Variants in COL4A4 observed in about 807,000 individuals in gnomAD.
The protein encoded by COL4A4 is collagen alpha-4(IV) chain.
COL4A4 carries 105 observed loss-of-function variants against 192.9 expected under a neutral mutation model. The ratio of observed to expected loss-of-function variants is 0.54; its 90% CI spans 0.46 to 0.64. The LOEUF (loss-of-function observed/expected upper bound fraction) is 0.64, where lower values mean the gene tolerates loss of function less well. Ranked by LOEUF, COL4A4 falls within the 30% of genes least tolerant of loss-of-function variation. The probability of loss-of-function intolerance (pLI) is 0.00; values close to 1 mark genes in which losing one functional copy is unlikely to be tolerated. For synonymous variants in COL4A4, 762 were observed against 769.9 expected (o/e 0.99, Z 0.17); for missense variants, 1,967 against 2,169.3 (o/e 0.91, Z 1.85).
intron 4 of COL4A4, among the ~76,000 whole-genome samples, chr2:227,125,641 C>A (rs1332111186): frequency 6.6e-6 from 1 of 152,172 alleles, no homozygotes; most frequent in Non-Finnish European, 1.5e-5. Context: ...CTCCCTGCAC[C>A]AGATTTCTAG....
intron 7 of COL4A4, 44 bp downstream of exon 7, chr2:227,118,601 T>C (rs923285651): frequency 7.2e-7 from 1 of 1,392,476 alleles, no homozygotes; most frequent in African/African-American, 1.4e-5. Flanking sequence ...CCACAGGGCC[T>C]GTTCACTTAA....
rs762592890 is a variant in COL4A4, at chr2:227,057,421, A to G, written c.2545+18T>C. The G allele has an allele frequency of 3.1e-6, 5 of 1,591,796 alleles. No individual in the cohort carries two copies. In the East Asian group the frequency reaches 1.1e-4, roughly 36 times the overall value. On this transcript the variant is annotated intron_variant, in intron 29 of 47. Coordinates refer to ENST00000396625, the MANE Select transcript of COL4A4 (RefSeq NM_000092.5). Reference sequence around the variant, plus strand: ...AAGTAGGGTAAGCCCCAGACCCTTCACAGTTCTTGACACTTACCTGGGCTA... The same window carrying G: ...AAGTAGGGTAAGCCCCAGACCCTTCGCAGTTCTTGACACTTACCTGGGCTA...
intron 4 of COL4A4, among the ~76,000 whole-genome samples, chr2:227,124,991 G>A (rs1269186292): frequency 6.6e-6 from 1 of 152,062 alleles, no homozygotes; most frequent in Non-Finnish European, 1.5e-5. Flanking sequence ...AATATAAAAG[G>A]GTAACTGAAA....
At chr2:227,008,347 T>A (rs768304862) in intron 46 of COL4A4, 43 bp from the exon 47 acceptor site, 2 of 1,603,502 alleles carry the variant, frequency 1.2e-6, no homozygotes, top group Admixed American at 3.3e-5. Context: ...AAGCACCCCA[T>A]GTAGGTGTTC....
In COL4A4 at chr2:227,109,176, T is replaced by C. The variant is rs73082223; in HGVS notation, c.657+48A>G. On this transcript the variant is annotated intron_variant, in intron 10 of 47. Coordinates refer to ENST00000396625, the MANE Select transcript of COL4A4 (RefSeq NM_000092.5). ...TGGCAATGTTGCTTCTTTATTTTCA[T>C]GTAGAATCTGGTTTTTAAAGGGATC... 0.13 allele frequency: 195,285 copies of C among 1,544,204 alleles called. 28,417 individuals are homozygous for C. Among genetic ancestry groups the C allele is most frequent in the African/African-American group, 0.71 (51,872 of 73,460 alleles).
intron 12 of COL4A4, among the ~76,000 whole-genome samples, chr2:227,107,734 G>A (rs1243958845): frequency 6.7e-6 from 1 of 150,054 alleles, no homozygotes; most frequent in Non-Finnish European, 1.5e-5. Flanking sequence ...TTCCAGGTGA[G>A]TTGCCTTCTT....
rs371284086 is a variant in COL4A4, at chr2:227,090,041, A to T, written c.1370-84T>A. ...TATAGAATAAGTGACTTTTGCACTC[A>T]CATCCTCCCCCACGTGCTTCCTTTC... On this transcript the variant is annotated intron_variant, in intron 20 of 47. Coordinates refer to ENST00000396625, the MANE Select transcript of COL4A4 (RefSeq NM_000092.5). The T allele has an allele frequency of 9.6e-6, 10 of 1,045,376 alleles. No individual in the cohort carries two copies. In the African/African-American group the frequency reaches 1.1e-4, roughly 11 times the overall value. The allele number at this position is 1,045,376 out of a possible 1,614,324, so 64.8% of individuals were successfully genotyped here.
intron 25 of COL4A4, among the ~76,000 whole-genome samples, chr2:227,074,542 C>T (rs1031708002): frequency 4.6e-5 from 7 of 152,120 alleles, no homozygotes; most frequent in Non-Finnish European, 8.8e-5. Flanking sequence ...CCAGCAATCC[C>T]ACTACTGGGT....
At chr2:227,060,659 T>C (rs908813887) in intron 26 of COL4A4, among the ~76,000 whole-genome samples, 5 of 152,048 alleles carry the variant, frequency 3.3e-5, no homozygotes, top group African/African-American at 9.7e-5. Context: ...TCTATTTCCC[T>C]GCATCTTACT....
chr2:227,002,173 A>C (rs1961151019), downstream of COL4A4, among the ~76,000 whole-genome samples: 1 of 132,662 alleles, frequency 7.5e-6, no homozygotes, highest in African/African-American at 2.7e-5. Flanking sequence ...TGTCTCAAAA[A>C]AAAAAAAAAA....
At chr2:227,130,885 A>G (rs564514780) in intron 4 of COL4A4, among the ~76,000 whole-genome samples, 9 of 151,992 alleles carry the variant, frequency 5.9e-5, no homozygotes, top group African/African-American at 1.9e-4. Context: ...CCTCATTCCT[A>G]TCAAGTCTGC....
intron 37 of COL4A4, among the ~76,000 whole-genome samples, chr2:227,036,097 C>T (rs1182459738): frequency 1.3e-5 from 2 of 152,180 alleles, no homozygotes; most frequent in Non-Finnish European, 1.5e-5. Context: ...GCTAACAAAG[C>T]ACATTTCTGG....
chr2:227,107,344 C>A (rs2060908184), intron 12 of COL4A4, among the ~76,000 whole-genome samples: 1 of 152,134 alleles, frequency 6.6e-6, no homozygotes, highest in Non-Finnish European at 1.5e-5. Flanking sequence ...GGACAGCCTC[C>A]ACAACAATGA....
At chr2:227,098,368 C>A (rs947791435) in intron 19 of COL4A4, among the ~76,000 whole-genome samples, 9 of 152,170 alleles carry the variant, frequency 5.9e-5, no homozygotes, top group Admixed American at 5.9e-4. Context: ...ATATTCCTTA[C>A]AACACCCCTA....
At chr2:227,149,847 T>TTGGA (rs375786083) in intron 1 of COL4A4, among the ~76,000 whole-genome samples, 27 of 151,868 alleles carry the variant, frequency 1.8e-4, no homozygotes, top group Non-Finnish European at 2.8e-4. Flanking sequence ...TACATTTTAA[T>TTGGA]TGGATGGATG....
intron 37 of COL4A4, among the ~76,000 whole-genome samples, chr2:227,041,177 C>G (rs1970742233): frequency 6.6e-6 from 1 of 152,064 alleles, no homozygotes; most frequent in Non-Finnish European, 1.5e-5. Context: ...TTATTAATGT[C>G]TTTCTCTCCT....
chr2:227,114,641 A>G lies in COL4A4; in HGVS notation c.545T>C (p.Val182Ala). The change falls in exon 8 of 48, where the codon GTT (valine) becomes GCT (alanine). Residue 182 changes from valine (V) to alanine (A), a missense_variant. By Grantham distance (64) the Val-to-Ala change is moderately conservative. Transcript: ENST00000396625. ...KGNSVFILGA[V>A]KGIQGDRGDP... ...CATAATACTTACCTGAATACCTTTA[A>G]CGGCACCTAAAATGAACACTGAATT... 6 of 1,614,056 alleles carry G rather than the reference A, an allele frequency of 3.7e-6. No individual in the cohort carries two copies. Among genetic ancestry groups the G allele is most frequent in the Non-Finnish European group, 5.1e-6 (6 of 1,179,926 alleles).
chr2:227,104,414 CAAAA>C (rs60259710), intron 12 of COL4A4, among the ~76,000 whole-genome samples: 1 of 96,874 alleles, frequency 1.0e-5, no homozygotes, highest in South Asian at 3.9e-4. Flanking sequence ...ACTAAAAATA[CAAAA>C]AAAAAAAAAA....
At chr2:227,065,075 G>C (rs940816152) in intron 25 of COL4A4, among the ~76,000 whole-genome samples, 11 of 152,260 alleles carry the variant, frequency 7.2e-5, no homozygotes, top group Non-Finnish European at 1.6e-4. Flanking sequence ...CCTCACTTGG[G>C]AAGTGCAAGG....
Sources: gnomAD v4.1 joint callset for allele counts (sites outside exome capture counted in the v4.1 genomes callset) on GRCh38, gnomAD v4.1.1 for gene constraint, MANE v1.5 for transcripts, NCBI Gene and HGNC (gene_info 2026-07-23, HGNC 2026-07-21) for gene names.